The following RTBDN variants were observed in gnomAD, a reference collection of about 807,000 sequenced individuals.
RTBDN encodes the protein retbindin.
A neutral mutation model predicts 21.9 loss-of-function variants in RTBDN; 24 were observed. The ratio of observed to expected loss-of-function variants is 1.10; its 90% CI spans 0.79 to 1.54. The LOEUF (loss-of-function observed/expected upper bound fraction) is 1.54, where lower values mean the gene tolerates loss of function less well. Ranked by LOEUF, RTBDN falls within the 40% of genes most tolerant of loss-of-function variation. RTBDN has a pLI of 0.00. For synonymous variants in RTBDN, 141 were observed against 125.9 expected (o/e 1.12, Z -0.80); for missense variants, 325 against 315.2 (o/e 1.03, Z -0.23).
intron 2 of RTBDN, among the ~76,000 whole-genome samples, chr19:12,829,428 C>T (rs557708988): frequency 2.0e-5 from 3 of 152,290 alleles, no homozygotes; most frequent in South Asian, 4.1e-4. Context: ...GTCTCAAACT[C>T]CTGACCTCAA....
Position 12,834,135 on chromosome 19 carries a change from C to A in RTBDN, c.-19+354G>T, listed in dbSNP as rs1969675481. On this transcript the variant is annotated intron_variant, in intron 1 of 5. Transcript: ENST00000674343. The surrounding 1 kb of genome is among the most constrained non-coding windows in gnomAD (Gnocchi z 4.7). ...CCCACCCATAGGTTCGGGACGCTAA[C>A]CGCGGGGAACGCTGTGGCCGCGCGT... The A allele has an allele frequency of 2.5e-6, 1 of 401,518 alleles. No individual in the cohort carries two copies. The highest frequency in any genetic ancestry group is 6.3e-4 in the Middle Eastern group (1 of 1,596). The allele number at this position is 401,518 out of a possible 1,614,324, so 24.9% of individuals were successfully genotyped here. A position where few individuals can be genotyped will look rare whatever the true frequency, so the allele number is the denominator to read the frequency against.
In RTBDN at chr19:12,830,053, C is replaced by T; in HGVS notation, c.-18-56G>A. 1.9e-6 allele frequency: 3 copies of T among 1,547,780 alleles called. No individual in the cohort carries two copies. Among genetic ancestry groups the T allele is most frequent in the Non-Finnish European group, 2.6e-6 (3 of 1,134,232 alleles). The stretch of plus-strand genomic sequence containing the variant: ...CCTTTCTGTGAGCTTAGGGTGGCAC[C>T]CACCCAGTGCATACCCAAGAAGCAG... On this transcript the variant is annotated intron_variant, in intron 1 of 5. Transcript: ENST00000674343. This position sits in a 1 kb window ranked among gnomAD's most constrained non-coding sequence, Gnocchi z 4.2.
At chr19:12,834,842 C>A, upstream of RTBDN, 1 of 1,614,190 alleles carries the variant, frequency 6.2e-7, no homozygotes. The surrounding 1 kb of genome is among the most constrained non-coding windows in gnomAD (Gnocchi z 4.7). Context: ...TCTTCAGCTG[C>A]GTTTCTGAGG....
chr19:12,829,443 T>G (rs1360458450), intron 2 of RTBDN, among the ~76,000 whole-genome samples: 1 of 152,202 alleles, frequency 6.6e-6, no homozygotes, highest in East Asian at 1.9e-4. Flanking sequence ...CCTCAAATGA[T>G]CTGCCCACTG....
At chr19:12,834,867 T>C, upstream of RTBDN, 1 of 1,613,812 alleles carries the variant, frequency 6.2e-7, no homozygotes, top group Non-Finnish European at 8.5e-7. The surrounding 1 kb of genome is among the most constrained non-coding windows in gnomAD (Gnocchi z 4.7). Context: ...AGTACGGAAG[T>C]TCAGGGTTAA....
chr19:12,826,138 A>C, intron 5 of RTBDN: 1 of 1,380,594 alleles, frequency 7.2e-7, no homozygotes, highest in African/African-American at 1.5e-5. Flanking sequence ...GGGATGAATC[A>C]GGGTTGGGGC....
At position 12,834,445 on chromosome 19, in the gene RTBDN, G is replaced by T; in HGVS notation, c.-19+44C>A. 3 of 1,451,924 alleles carry T rather than the reference G, an allele frequency of 2.1e-6. No homozygotes were observed. Among genetic ancestry groups the T allele is most frequent in the Non-Finnish European group, 2.8e-6 (3 of 1,071,164 alleles). 89.9% of individuals were successfully genotyped at this position (1,451,924 alleles called of 1,614,324 possible). On this transcript the variant is annotated intron_variant, in intron 1 of 5. Coordinates refer to ENST00000674343, the MANE Select transcript of RTBDN (RefSeq NM_001270441.2). This position sits in a 1 kb window ranked among gnomAD's most constrained non-coding sequence, Gnocchi z 4.7. Reference sequence around the variant, plus strand: ...GCAACCTCGCCCCTCACCACCCCAGGAGCCCCCTCCCGAGGCATAGGACGC... The same window carrying T: ...GCAACCTCGCCCCTCACCACCCCAGTAGCCCCCTCCCGAGGCATAGGACGC...
Position 12,831,574 on chromosome 19 carries a change from C to G in RTBDN, c.-18-1577G>C, listed in dbSNP as rs548358529. Among the ~76,000 whole-genome samples the G allele has an allele frequency of 4.6e-5, 7 of 152,252 alleles. No homozygotes were observed. The South Asian group carries it at 1.4e-3, about 31-fold the overall frequency. ...AATCAAAAATAGCTGGGCATGGTGG[C>G]ACATGCTTGTAATCTCAGCAGTTCA... On this transcript the variant is annotated intron_variant, in intron 1 of 5. Coordinates refer to ENST00000674343, the MANE Select transcript of RTBDN (RefSeq NM_001270441.2).
At position 12,827,507 on chromosome 19, in the gene RTBDN, G is replaced by A. The variant is rs544141635; in HGVS notation, c.366-636C>T. Among the ~76,000 whole-genome samples, 12 of 151,874 alleles carry A rather than the reference G, an allele frequency of 7.9e-5. No individual in the cohort carries two copies. The East Asian group carries it at 2.1e-3, about 27-fold the overall frequency. On this transcript the variant is annotated intron_variant, in intron 4 of 5. Coordinates refer to ENST00000674343, the MANE Select transcript of RTBDN (RefSeq NM_001270441.2). ...CTGGCTCATTTTTGTGTTTTTAGTAGAGACGGTGTTTCACCACGTTGGCCA... is the reference window on the plus strand; with the variant it reads ...CTGGCTCATTTTTGTGTTTTTAGTAAAGACGGTGTTTCACCACGTTGGCCA...
chr19:12,830,143 A>G lies in RTBDN; in HGVS notation c.-18-146T>C. The G allele has an allele frequency of 7.9e-7, 1 of 1,268,184 alleles. No homozygotes were observed. Among genetic ancestry groups the G allele is most frequent in the Non-Finnish European group, 1.1e-6 (1 of 950,940 alleles). The allele number at this position is 1,268,184 out of a possible 1,614,324, so 78.6% of individuals were successfully genotyped here. A position where few individuals can be genotyped will look rare whatever the true frequency, so the allele number is the denominator to read the frequency against. ...TGGGGCAGTGGCCAAGGACGTTCAA[A>G]TCCCAGGAGACCATCAGGGCCTGCC... On this transcript the variant is annotated intron_variant, in intron 1 of 5. Transcript: ENST00000674343. The surrounding 1 kb of genome is among the most constrained non-coding windows in gnomAD (Gnocchi z 4.2).
chr19:12,831,336 T>C (rs1042029277), intron 1 of RTBDN, among the ~76,000 whole-genome samples: 8 of 152,202 alleles, frequency 5.3e-5, no homozygotes, highest in African/African-American at 1.9e-4. Flanking sequence ...CTCCTTTAAC[T>C]CATCCATTCA....
chr19:12,834,142 G>T lies in RTBDN; in HGVS notation c.-19+347C>A. On this transcript the variant is annotated intron_variant, in intron 1 of 5. Transcript: ENST00000674343. The surrounding 1 kb of genome is among the most constrained non-coding windows in gnomAD (Gnocchi z 4.7). ...ATAGGTTCGGGACGCTAACCGCGGGGAACGCTGTGGCCGCGCGTCCCGCCG... is the reference window on the plus strand; with the variant it reads ...ATAGGTTCGGGACGCTAACCGCGGGTAACGCTGTGGCCGCGCGTCCCGCCG... 1 of 401,802 alleles carries T rather than the reference G, an allele frequency of 2.5e-6. No individual in the cohort carries two copies. Among genetic ancestry groups the T allele is most frequent in the South Asian group, 1.2e-4 (1 of 8,388 alleles). The allele number at this position is 401,802 out of a possible 1,614,324, so 24.9% of individuals were successfully genotyped here.
At chr19:12,833,174 G>A (rs1038575954) in intron 1 of RTBDN, among the ~76,000 whole-genome samples, 5 of 152,062 alleles carry the variant, frequency 3.3e-5, no homozygotes, top group South Asian at 2.1e-4. Context: ...GGGTGGGGGG[G>A]CATAATATGT....
intron 1 of RTBDN, chr19:12,833,863 C>T (rs894136865): frequency 1.3e-5 from 5 of 379,718 alleles, no homozygotes; most frequent in African/African-American, 2.1e-5. Context: ...GCCGCCGCCG[C>T]CGCCGCCGCG....
intron 5 of RTBDN, chr19:12,826,154 G>T (rs1163175573): frequency 8.0e-6 from 11 of 1,382,518 alleles, no homozygotes; most frequent in Admixed American, 6.9e-5. Flanking sequence ...GGGGCAGTTG[G>T]GGGGCGCGCA....
In RTBDN at chr19:12,825,718, G is replaced by GCCGCTTCCACTGCCACTC. The variant is rs1185294072; in HGVS notation, c.660_677dup (p.Ser221_Gly226dup). 6.3e-6 allele frequency: 10 copies of GCCGCTTCCACTGCCACTC among 1,577,244 alleles called. No homozygotes were observed. Among genetic ancestry groups the GCCGCTTCCACTGCCACTC allele is most frequent in the Non-Finnish European group, 8.6e-6 (10 of 1,163,322 alleles). ...GGCCACGCGTCCGCTAGGGGCCGCT[G>GCCGCTTCCACTGCCACTC]CCGCTTCCACTGCCACTCCCGCTGC... On this transcript the variant is annotated inframe_insertion, in exon 6 of 6. Coordinates refer to ENST00000674343, the MANE Select transcript of RTBDN (RefSeq NM_001270441.2).
At chr19:12,826,274 A>T in intron 5 of RTBDN, 1 of 1,240,664 alleles carries the variant, frequency 8.1e-7, no homozygotes, top group Non-Finnish European at 1.0e-6. Flanking sequence ...GGGAAGGGCA[A>T]ATCTGGACTT....
rs1249780222 is a variant in RTBDN, at chr19:12,825,556, A to G, written c.*150T>C. The G allele has an allele frequency of 8.4e-7, 1 of 1,189,926 alleles. No homozygotes were observed. The highest frequency in any genetic ancestry group is 1.1e-6 in the Non-Finnish European group (1 of 888,576). The allele number at this position is 1,189,926 out of a possible 1,614,324, so 73.7% of individuals were successfully genotyped here. On this transcript the variant is annotated 3_prime_UTR_variant, in exon 6 of 6. Coordinates refer to ENST00000674343, the MANE Select transcript of RTBDN (RefSeq NM_001270441.2). ...TTGGGTCATTTCTGGGATAACCTGG[A>G]GAGGGGTGGGTCTCTGGAGCTCCAG...
At chr19:12,827,947 G>T (rs1969379723) in intron 4 of RTBDN, among the ~76,000 whole-genome samples, 1 of 151,892 alleles carries the variant, frequency 6.6e-6, no homozygotes, top group South Asian at 2.1e-4. Flanking sequence ...ACAAAATTTA[G>T]CCGGGCGTGG....
Sources: gnomAD v4.1 joint callset for allele counts (sites outside exome capture counted in the v4.1 genomes callset) on GRCh38, gnomAD v4.1.1 for gene constraint, Gnocchi (gnomAD v3.1) non-coding constraint, MANE v1.5 for transcripts, NCBI Gene and HGNC (gene_info 2026-07-23, HGNC 2026-07-21) for gene names.